AUTS2: variants seen among roughly 807,000 people sequenced by gnomAD.
The protein encoded by AUTS2 is autism susceptibility gene 2 protein.
AUTS2 carries 17 observed loss-of-function variants against 112.4 expected under a neutral mutation model. The ratio of observed to expected loss-of-function variants is 0.15; its 90% confidence interval spans 0.10 to 0.23. The LOEUF (loss-of-function observed/expected upper bound fraction) is 0.23. Ranked by LOEUF, AUTS2 falls within the 10% of genes least tolerant of loss-of-function variation. AUTS2 has a pLI of 1.00. For missense variants in AUTS2, 1,510 were observed against 1,701.6 expected (o/e 0.89, Z 1.98); for synonymous variants, 751 against 702.7 (o/e 1.07, Z -1.09).
chr7:70,510,281 A>G (rs908697239), intron 5 of AUTS2, among the ~76,000 whole-genome samples: 3 of 152,312 alleles, frequency 2.0e-5, no homozygotes, highest in East Asian at 1.9e-4. Flanking sequence ...AGGCACTACA[A>G]TTCTTTACTT....
At chr7:70,295,777 A>G (rs979575089) in intron 4 of AUTS2, among the ~76,000 whole-genome samples, 2 of 152,178 alleles carry the variant, frequency 1.3e-5, no homozygotes, top group African/African-American at 4.8e-5. Flanking sequence ...GTATGACGTT[A>G]AGCTTAAAGG....
intron 11 of AUTS2, among the ~76,000 whole-genome samples, chr7:70,772,130 TC>T (rs1364917728): frequency 6.6e-6 from 1 of 152,138 alleles, no homozygotes; most frequent in African/African-American, 2.4e-5. Context: ...GCCAACCCCA[TC>T]GGCTGCAAAC....
intron 7 of AUTS2, 27 bp from the exon 8 acceptor site, chr7:70,764,725 C>A (rs1404491970): frequency 5.6e-6 from 4 of 716,274 alleles, no homozygotes; most frequent in East Asian, 2.7e-5. Context: ...TTATTTTTTT[C>A]TTTTCTTTTT....
At chr7:70,354,633 A>T (rs1381892029) in intron 4 of AUTS2, among the ~76,000 whole-genome samples, 1 of 152,198 alleles carries the variant, frequency 6.6e-6, no homozygotes, top group Non-Finnish European at 1.5e-5. Flanking sequence ...GTCACTGCAG[A>T]GCTGCACTGT....
At chr7:69,823,507 A>T (rs751844284) in intron 1 of AUTS2, among the ~76,000 whole-genome samples, 4 of 152,218 alleles carry the variant, frequency 2.6e-5, no homozygotes, top group Non-Finnish European at 5.9e-5. Context: ...GTCCATCAGC[A>T]TTGGACACAT....
intron 1 of AUTS2, among the ~76,000 whole-genome samples, chr7:69,873,171 G>T (rs564956047): frequency 2.6e-5 from 4 of 151,978 alleles, no homozygotes; most frequent in Non-Finnish European, 4.4e-5. Context: ...AATACTTTGA[G>T]GAAAAAAGAT....
At position 69,817,957 on chromosome 7, in the gene AUTS2, G is replaced by A. The variant is rs1042651772; in HGVS notation, c.310-81329G>A. ...CCCACAGCATGGATGCTAGGTCTGA[G>A]TGGGTCTGTGAGCTGCAACCTAGCT... is the stretch of plus-strand genomic sequence containing the variant. On this transcript the variant is annotated intron_variant, in intron 1 of 18. Transcript: ENST00000342771. Among the ~76,000 whole-genome samples the A allele has an allele frequency of 2.6e-5, 4 of 152,352 alleles. No homozygotes were observed. In the East Asian group the frequency reaches 7.7e-4, roughly 29 times the overall value.
At chr7:70,159,487 T>A (rs1014078607) in intron 4 of AUTS2, among the ~76,000 whole-genome samples, 1 of 152,216 alleles carries the variant, frequency 6.6e-6, no homozygotes, top group African/African-American at 2.4e-5. Flanking sequence ...GGTCTGTGTT[T>A]TGATATTTAA....
At chr7:70,313,981 G>A (rs1218630268) in intron 4 of AUTS2, among the ~76,000 whole-genome samples, 1 of 152,302 alleles carries the variant, frequency 6.6e-6, no homozygotes, top group South Asian at 2.1e-4. Flanking sequence ...TAGTAGGAGC[G>A]ATGGTTCAGA....
intron 2 of AUTS2, among the ~76,000 whole-genome samples, chr7:70,096,236 A>C (rs937350471): frequency 3.3e-5 from 5 of 152,364 alleles, no homozygotes; most frequent in African/African-American, 1.2e-4. Context: ...TTTTACAAAT[A>C]ATATGAATGT....
At chr7:69,662,077 C>T (rs757529582) in intron 1 of AUTS2, among the ~76,000 whole-genome samples, 2 of 152,040 alleles carry the variant, frequency 1.3e-5, no homozygotes, top group African/African-American at 2.4e-5. Flanking sequence ...CCTCTCCCAC[C>T]GCCCATGTAT....
At chr7:70,355,111 T>G (rs1032569345) in intron 4 of AUTS2, among the ~76,000 whole-genome samples, 9 of 151,654 alleles carry the variant, frequency 5.9e-5, no homozygotes, top group African/African-American at 1.2e-4. Context: ...TATGGGTGTG[T>G]GTGTGTGTGT....
chr7:70,720,052 G>A (rs570221435), intron 6 of AUTS2, among the ~76,000 whole-genome samples: 12 of 152,208 alleles, frequency 7.9e-5, no homozygotes, highest in East Asian at 5.8e-4. Flanking sequence ...CGTCTCATTC[G>A]TATCTCTTTT....
At position 70,717,611 on chromosome 7, in the gene AUTS2, A is replaced by G. The variant is rs1017804409; in HGVS notation, c.742+18991A>G. On this transcript the variant is annotated intron_variant, in intron 6 of 18. Transcript: ENST00000342771. ...TTTAAAAAGCGTGATAGATAGGCCA[A>G]CCCACTATGAGTTTTCTGGTGGCAA... 2.0e-5 allele frequency among the ~76,000 whole-genome samples: 3 copies of G among 152,118 alleles called. No individual in the cohort carries two copies. The East Asian group carries it at 5.8e-4, about 29-fold the overall frequency.
rs188722631 is a variant in AUTS2 at position 70,363,823 on chromosome 7, T to C, written c.661-71929T>C. ...TTCCTAAAAACCTAAGTCTCCCAGC[T>C]TCTTTGAACTCCTCCTTCTATGGAC... On this transcript the variant is annotated intron_variant, in intron 4 of 18. Transcript: ENST00000342771. Among the ~76,000 whole-genome samples, 348 of 152,346 alleles carry C rather than the reference T, an allele frequency of 2.3e-3. 3 individuals are homozygous for C. In the East Asian group the frequency reaches 0.035, roughly 15 times the overall value.
intron 5 of AUTS2, among the ~76,000 whole-genome samples, chr7:70,522,305 T>A (rs1025370128): frequency 6.6e-6 from 1 of 152,196 alleles, no homozygotes; most frequent in Non-Finnish European, 1.5e-5. Flanking sequence ...TTTTTATAAT[T>A]TCAGCTTTCA....
chr7:70,091,899 G>A (rs369215661), intron 2 of AUTS2, among the ~76,000 whole-genome samples: 1 of 152,148 alleles, frequency 6.6e-6, no homozygotes, highest in Non-Finnish European at 1.5e-5. Flanking sequence ...GTAATTTGCT[G>A]TGGTGACATA....
intron 4 of AUTS2, among the ~76,000 whole-genome samples, chr7:70,348,318 T>C (rs888405554): frequency 6.6e-6 from 1 of 152,274 alleles, no homozygotes; most frequent in African/African-American, 2.4e-5. Context: ...TGTTTCCCCA[T>C]GTAAATGAGA....
At chr7:70,143,260 T>C (rs556962078) in intron 4 of AUTS2, among the ~76,000 whole-genome samples, 3 of 152,332 alleles carry the variant, frequency 2.0e-5, no homozygotes, top group Admixed American at 2.0e-4. Context: ...TTAGATAGTT[T>C]GAGACACTTC....
Sources: gnomAD v4.1 joint callset for allele counts (sites outside exome capture counted in the v4.1 genomes callset) on GRCh38, gnomAD v4.1.1 for gene constraint, MANE v1.5 for transcripts, NCBI Gene and HGNC (gene_info 2026-07-23, HGNC 2026-07-21) for gene names.